Variants in TCF4 observed in about 807,000 individuals in gnomAD.
The protein encoded by TCF4 is transcription factor 4, also known as SL3-3 enhancer factor 2.
TCF4 carries 3 observed loss-of-function variants against 82.1 expected under a neutral mutation model. The observed-to-expected ratio is 0.04, with a 90% CI of 0.02 to 0.09. The LOEUF (loss-of-function observed/expected upper bound fraction) is 0.09, where lower values mean the gene tolerates loss of function less well. Ranked by LOEUF, TCF4 falls within the 10% of genes least tolerant of loss-of-function variation. The pLI is 1.00. For missense variants in TCF4, 518 were observed against 852.7 expected (o/e 0.61, Z 4.89); for synonymous variants, 276 against 309.6 (o/e 0.89, Z 1.14).
intron 15 of TCF4, among the ~76,000 whole-genome samples, chr18:55,239,658 C>T (rs1354512815): frequency 6.6e-6 from 1 of 152,172 alleles, no homozygotes; most frequent in Non-Finnish European, 1.5e-5. Flanking sequence ...GCCAAGATGT[C>T]TAACTAAATT....
Position 55,275,682 on chromosome 18 carries a change from C to T in TCF4, c.726G>A (p.Leu242=), listed in dbSNP as rs765833827. 3.1e-6 allele frequency: 5 copies of T among 1,613,898 alleles called. No homozygotes were observed. The South Asian group carries it at 5.5e-5, about 18-fold the overall frequency. Residue 242 remains leucine, a synonymous_variant, in exon 10 of 20, where the codon TTG becomes TTA. Transcript: ENST00000354452. ...GMNQPGYAGM[L]GNSSHIPQSS... ...ACTGTGGAATATGAGAAGAGTTGCC[C>T]AACATTCCTGCATAGCCAGGCTGAT... is the stretch of plus-strand genomic sequence containing the variant.
In TCF4 at chr18:55,223,456, T is replaced by TA; in HGVS notation, c.*4578dup. ...TGAAACAAGTGTCAGAAACAGTTTATAAAAATGGCACATTTATTGCTACAG... is the reference window on the plus strand; with the variant it reads ...TGAAACAAGTGTCAGAAACAGTTTATAAAAAATGGCACATTTATTGCTACAG... On this transcript the variant is annotated 3_prime_UTR_variant, in exon 20 of 20. Coordinates refer to ENST00000354452, the MANE Select transcript of TCF4 (RefSeq NM_001083962.2). 6.5e-6 allele frequency: 1 copy of TA among 152,768 alleles called. No homozygotes were observed. Among genetic ancestry groups the TA allele is most frequent in the Non-Finnish European group, 1.5e-5 (1 of 68,036 alleles). 9.5% of individuals were successfully genotyped at this position (152,768 alleles called of 1,614,324 possible). A position where few individuals can be genotyped will look rare whatever the true frequency, so the allele number is the denominator to read the frequency against.
chr18:55,287,181 G>A (rs1407042126), intron 8 of TCF4, among the ~76,000 whole-genome samples: 4 of 151,984 alleles, frequency 2.6e-5, no homozygotes, highest in South Asian at 4.2e-4. Context: ...CCCATCTTCC[G>A]TCTACCAGAA....
intron 6 of TCF4, among the ~76,000 whole-genome samples, chr18:55,354,294 T>C (rs2082962967): frequency 6.6e-6 from 1 of 152,212 alleles, no homozygotes; most frequent in South Asian, 2.1e-4. Flanking sequence ...AATCCCCAAA[T>C]ACAGCACTCT....
intron 8 of TCF4, among the ~76,000 whole-genome samples, chr18:55,336,525 T>C (rs2078678782): frequency 6.6e-6 from 1 of 152,070 alleles, no homozygotes; most frequent in African/African-American, 2.4e-5. Context: ...TAAAAGGCAA[T>C]CGAGTAATTT....
chr18:55,229,194 G>A (rs2047175375), intron 17 of TCF4, 118 bp from the exon 18 acceptor site: 2 of 1,188,538 alleles, frequency 1.7e-6, no homozygotes, highest in South Asian at 1.2e-5. Flanking sequence ...CCATGTTTTT[G>A]GCAGAATTTT....
intron 6 of TCF4, among the ~76,000 whole-genome samples, chr18:55,390,988 G>T (rs1403047186): frequency 6.6e-6 from 1 of 152,192 alleles, no homozygotes; most frequent in Non-Finnish European, 1.5e-5. Flanking sequence ...TGGGGAAGAA[G>T]TTCATGTTAG....
intron 6 of TCF4, among the ~76,000 whole-genome samples, chr18:55,365,866 T>G (rs954233006): frequency 1.3e-4 from 20 of 152,068 alleles, no homozygotes; most frequent in African/African-American, 4.8e-4. Flanking sequence ...CACTCCAGCC[T>G]GGACAACAAG....
chr18:55,379,232 G>A (rs750497908), intron 6 of TCF4, among the ~76,000 whole-genome samples: 6 of 152,170 alleles, frequency 3.9e-5, no homozygotes, highest in Non-Finnish European at 7.3e-5. Context: ...TAGGTGGAGG[G>A]TGCGAAAGGA....
chr18:55,420,255 T>C (rs999096480), intron 5 of TCF4, among the ~76,000 whole-genome samples: 1 of 152,186 alleles, frequency 6.6e-6, no homozygotes, highest in Non-Finnish European at 1.5e-5. Flanking sequence ...TCTAAAGTCA[T>C]CTTTATCATC....
At chr18:55,625,502 G>T (rs2097725714) in intron 2 of TCF4, among the ~76,000 whole-genome samples, 1 of 152,170 alleles carries the variant, frequency 6.6e-6, no homozygotes, top group African/African-American at 2.4e-5. Flanking sequence ...CTCCCAAAGT[G>T]CTGGGATTGC....
At chr18:55,417,885 G>A (rs1217877183) in intron 5 of TCF4, among the ~76,000 whole-genome samples, 1 of 151,780 alleles carries the variant, frequency 6.6e-6, no homozygotes, top group Non-Finnish European at 1.5e-5. Context: ...AATTCTCGGG[G>A]GAGAACTGTA....
upstream of TCF4, among the ~76,000 whole-genome samples, chr18:55,592,191 C>G (rs548515499): frequency 9.9e-5 from 15 of 152,256 alleles, no homozygotes; most frequent in South Asian, 2.3e-3. Flanking sequence ...AATTTGCAGA[C>G]TCCCTTGCCT....
chr18:55,237,628 C>CT (rs397693736), intron 15 of TCF4, among the ~76,000 whole-genome samples: 6 of 6,530 alleles, frequency 9.2e-4, no homozygotes, highest in African/African-American at 5.7e-3. Flanking sequence ...CACCACCACG[C>CT]CGGCTAATTT....
intron 15 of TCF4, among the ~76,000 whole-genome samples, chr18:55,234,918 G>A (rs2048934424): frequency 6.6e-6 from 1 of 152,130 alleles, no homozygotes; most frequent in South Asian, 2.1e-4. Context: ...AGTAGCTCAG[G>A]CAGGTAAAAC....
At chr18:55,440,087 T>C (rs528954081) in intron 5 of TCF4, among the ~76,000 whole-genome samples, 1 of 152,246 alleles carries the variant, frequency 6.6e-6, no homozygotes, top group East Asian at 1.9e-4. Context: ...ATTGGATTTA[T>C]GTCTGAATAC....
intron 8 of TCF4, among the ~76,000 whole-genome samples, chr18:55,308,604 T>C (rs1346264888): frequency 6.6e-6 from 1 of 152,232 alleles, no homozygotes; most frequent in African/African-American, 2.4e-5. Flanking sequence ...TCTACAAAGA[T>C]GCATTAAGAC....
At chr18:55,413,615 A>G (rs2094432883) in intron 5 of TCF4, among the ~76,000 whole-genome samples, 1 of 152,128 alleles carries the variant, frequency 6.6e-6, no homozygotes, top group Non-Finnish European at 1.5e-5. Flanking sequence ...AGTGTTTAAG[A>G]GAAGCCTCTC....
chr18:55,345,709 A>G (rs377020422), intron 8 of TCF4, among the ~76,000 whole-genome samples: 1 of 152,222 alleles, frequency 6.6e-6, no homozygotes, highest in South Asian at 2.1e-4. Flanking sequence ...TTACCACACA[A>G]TCGGCTACTT....
Sources: allele counts gnomAD v4.1 joint callset (sites outside exome capture counted in the v4.1 genomes callset), GRCh38; gene constraint gnomAD v4.1.1; transcripts MANE v1.5; gene names NCBI Gene and HGNC (gene_info 2026-07-23, HGNC 2026-07-21).